ACYP2: variants seen among roughly 807,000 people sequenced by gnomAD.
ACYP2 encodes the protein acylphosphatase-2.
ACYP2 carries 12 observed loss-of-function variants against 11.2 expected under a neutral mutation model. That is an observed-to-expected ratio of 1.08 (90% CI 0.69 to 1.74). The LOEUF (loss-of-function observed/expected upper bound fraction) is 1.74, where lower values mean the gene tolerates loss of function less well. Ranked by LOEUF, ACYP2 falls within the 40% of genes most tolerant of loss-of-function variation. The probability of loss-of-function intolerance (pLI) is 0.00; values close to 1 mark genes in which losing one functional copy is unlikely to be tolerated. For synonymous variants in ACYP2, 43 were observed against 32.2 expected, an observed-to-expected ratio of 1.33 and a Z score of -1.13; for missense variants, 134 against 101.9, an observed-to-expected ratio of 1.31 and a Z score of -1.35.
intron 6 of ACYP2, among the ~76,000 whole-genome samples, chr2:54,181,356 A>G (rs1683716424): frequency 6.6e-6 from 1 of 152,198 alleles, no homozygotes; most frequent in African/African-American, 2.4e-5. Context: ...GTGTGTTTGA[A>G]TGGAGTGAGA....
intron 6 of ACYP2, among the ~76,000 whole-genome samples, chr2:54,189,453 T>G (rs1321892852): frequency 1.3e-5 from 2 of 152,226 alleles, no homozygotes; most frequent in East Asian, 3.8e-4. Context: ...CTTAGCATAA[T>G]GTCCTCCAGG....
chr2:54,229,086 C>G (rs1273816847), intron 6 of ACYP2, among the ~76,000 whole-genome samples: 1 of 152,086 alleles, frequency 6.6e-6, no homozygotes, highest in Non-Finnish European at 1.5e-5. Context: ...GAAGCAAGGG[C>G]ACCGAGCCAG....
At position 54,143,734 on chromosome 2, in the gene ACYP2, T is replaced by G. The variant is rs61071518; in HGVS notation, c.404+4986T>G. 2.0e-3 allele frequency among the ~76,000 whole-genome samples: 116 copies of G among 59,310 alleles called. 4 individuals are homozygous for G. Among genetic ancestry groups the G allele is most frequent in the South Asian group, 5.3e-3 (6 of 1,128 alleles). The allele number at this position is 59,310 out of a possible 152,430, so 38.9% of individuals were successfully genotyped here. The stretch of plus-strand genomic sequence containing the variant: ...GGCATGAGCCACCATACCCAGCCGG[T>G]TTTTTTTTTTTTTTTTTTTTTTTGG... On this transcript the variant is annotated intron_variant, in intron 6 of 6. Coordinates refer to ENST00000607452, the MANE Select transcript of ACYP2 (RefSeq NM_001320586.2).
intron 6 of ACYP2, chr2:54,256,229 C>A (rs1455467528): frequency 1.3e-6 from 2 of 1,497,194 alleles, no homozygotes; most frequent in Non-Finnish European, 1.8e-6. Context: ...CACAAAATGG[C>A]GAGTAAACAC....
chr2:54,038,862 G>T (rs72906715), intron 2 of ACYP2, among the ~76,000 whole-genome samples: 23 of 150,838 alleles, frequency 1.5e-4, no homozygotes, highest in African/African-American at 4.6e-4. Context: ...AATAAATTCT[G>T]CAGGAAAAAA....
At chr2:54,051,231 A>G (rs1359967831) in intron 3 of ACYP2, 19 of 867,174 alleles carry the variant, frequency 2.2e-5, no homozygotes, top group Non-Finnish European at 3.3e-5. Context: ...GATCCTAAGA[A>G]GCTGAGAGGC....
intron 2 of ACYP2, among the ~76,000 whole-genome samples, chr2:54,045,142 G>A (rs772943803): frequency 6.6e-6 from 1 of 152,112 alleles, no homozygotes; most frequent in Non-Finnish European, 1.5e-5. Context: ...TGGTCTGAAC[G>A]ACCCCAAAAG....
chr2:54,108,839 T>C (rs761640247), intron 4 of ACYP2, among the ~76,000 whole-genome samples: 3 of 152,230 alleles, frequency 2.0e-5, no homozygotes, highest in Non-Finnish European at 4.4e-5. Flanking sequence ...CTTCCTGTTT[T>C]CTAAAGGACT....
At chr2:54,029,617 T>G (rs1218579096) in intron 2 of ACYP2, 1 of 377,022 alleles carries the variant, frequency 2.7e-6, no homozygotes, top group East Asian at 7.1e-5. Context: ...GCTTCCTTCT[T>G]TTTCTGATCA....
At chr2:54,040,274 A>C (rs1675154687) in intron 2 of ACYP2, among the ~76,000 whole-genome samples, 1 of 152,148 alleles carries the variant, frequency 6.6e-6, no homozygotes, top group South Asian at 2.1e-4. Context: ...GAAAAGAAGA[A>C]AAGGAACAGG....
At chr2:53,996,858 T>G (rs1431536078) in intron 2 of ACYP2, among the ~76,000 whole-genome samples, 1 of 152,196 alleles carries the variant, frequency 6.6e-6, no homozygotes, top group Non-Finnish European at 1.5e-5. Flanking sequence ...TATTAAATAC[T>G]TTTAGCAGAT....
chr2:54,135,711 G>C lies in ACYP2; in HGVS notation c.294+242G>C, dbSNP rs145102216. ...TATATTCAAAAGTACCTCTCTTTGG[G>C]TGATTTTAATGAAACGCTTTGATTA... On this transcript the variant is annotated intron_variant, in intron 5 of 6. Coordinates refer to ENST00000607452, the MANE Select transcript of ACYP2 (RefSeq NM_001320586.2). 9.3e-4 allele frequency among the ~76,000 whole-genome samples: 141 copies of C among 152,210 alleles called. 1 individual carries two copies. The highest frequency in any genetic ancestry group is 3.3e-3 in the African/African-American group (138 of 41,532).
At chr2:54,013,560 A>G (rs1189499679) in intron 2 of ACYP2, among the ~76,000 whole-genome samples, 1 of 151,926 alleles carries the variant, frequency 6.6e-6, no homozygotes, top group East Asian at 1.9e-4. Flanking sequence ...TCGTCCTTCC[A>G]AAGTGCTGGG....
chr2:53,973,004 G>A (rs1391186944), intron 1 of ACYP2, among the ~76,000 whole-genome samples: 1 of 152,128 alleles, frequency 6.6e-6, no homozygotes, highest in Non-Finnish European at 1.5e-5. Flanking sequence ...ACAAATCTCT[G>A]AGGAGCCCCA....
chr2:53,977,441 G>C (rs1671549618), intron 2 of ACYP2, among the ~76,000 whole-genome samples: 1 of 152,168 alleles, frequency 6.6e-6, no homozygotes, highest in East Asian at 1.9e-4. Context: ...TCCCTGGGTA[G>C]ATATTAAAAC....
intron 6 of ACYP2, among the ~76,000 whole-genome samples, chr2:54,177,956 G>C (rs1683539310): frequency 6.8e-6 from 1 of 147,894 alleles, no homozygotes; most frequent in South Asian, 2.1e-4. Context: ...CCAGGCTAGA[G>C]TGCAGTGGCG....
Position 54,182,580 on chromosome 2 carries a change from C to A in ACYP2, c.404+43832C>A, listed in dbSNP as rs571689225. Reference sequence around the variant, plus strand: ...CTTGAACTCCTGGGCTCAAGCAGTCCTCCTGCCTTGGCCTCCCAAAGTCCT... The same window carrying A: ...CTTGAACTCCTGGGCTCAAGCAGTCATCCTGCCTTGGCCTCCCAAAGTCCT... On this transcript the variant is annotated intron_variant, in intron 6 of 6. Coordinates refer to ENST00000607452, the MANE Select transcript of ACYP2 (RefSeq NM_001320586.2). 2.0e-5 allele frequency among the ~76,000 whole-genome samples: 3 copies of A among 152,086 alleles called. No homozygotes were observed. In the East Asian group the frequency reaches 5.8e-4, roughly 29 times the overall value.
chr2:54,076,895 T>G (rs1677371390), intron 4 of ACYP2, among the ~76,000 whole-genome samples: 1 of 152,224 alleles, frequency 6.6e-6, no homozygotes, highest in South Asian at 2.1e-4. Flanking sequence ...TCTGTGAGCC[T>G]TAACTATTTT....
intron 6 of ACYP2, among the ~76,000 whole-genome samples, chr2:54,230,488 C>G (rs1189066048): frequency 6.6e-6 from 1 of 152,142 alleles, no homozygotes; most frequent in African/African-American, 2.4e-5. Flanking sequence ...GCCCGAGTAG[C>G]TGGGCGCCAC....
Sources: gnomAD v4.1 joint callset for allele counts (sites outside exome capture counted in the v4.1 genomes callset) on GRCh38, gnomAD v4.1.1 for gene constraint, MANE v1.5 for transcripts, NCBI Gene and HGNC (gene_info 2026-07-23, HGNC 2026-07-21) for gene names.